MTMR6: variants seen among roughly 807,000 people sequenced by gnomAD.
MTMR6 encodes phosphatidylinositol-3,5-bisphosphate 3-phosphatase MTMR6.
A neutral mutation model predicts 80.1 loss-of-function variants in MTMR6; 47 were observed. The ratio of observed to expected loss-of-function variants is 0.59; its 90% confidence interval spans 0.46 to 0.75. MTMR6 has a LOEUF of 0.75. MTMR6 is among the 30% of genes least tolerant of loss of function. MTMR6 has a pLI of 0.00. For missense variants in MTMR6, 629 were observed against 730.9 expected (o/e 0.86, Z 1.61); for synonymous variants, 254 against 253.0 (o/e 1.00, Z -0.04).
chr13:25,253,576 G>A lies in MTMR6; in HGVS notation c.1346+188C>T, dbSNP rs117834246. Reference sequence around the variant, plus strand: ...TACACTTCAAAACACATTTTATAATGTGCTTTTACTATTAGCTGAAAGGTG... The same window carrying A: ...TACACTTCAAAACACATTTTATAATATGCTTTTACTATTAGCTGAAAGGTG... On this transcript the variant is annotated intron_variant, in intron 11 of 13. Transcript: ENST00000381801. Among the ~76,000 whole-genome samples, 441 of 152,226 alleles carry A rather than the reference G, an allele frequency of 2.9e-3. 3 individuals are homozygous for A. The highest frequency in any genetic ancestry group is 9.6e-3 in the Admixed American group (147 of 15,286).
chr13:25,264,855 T>C (rs1957422379), intron 5 of MTMR6, among the ~76,000 whole-genome samples: 1 of 147,698 alleles, frequency 6.8e-6, no homozygotes, highest in Non-Finnish European at 1.5e-5. Flanking sequence ...GGACTGGGAG[T>C]CAGAAATGGC....
chr13:25,271,355 T>C (rs1957572007), intron 2 of MTMR6, among the ~76,000 whole-genome samples: 1 of 152,170 alleles, frequency 6.6e-6, no homozygotes, highest in Non-Finnish European at 1.5e-5. Flanking sequence ...GGTATTCATT[T>C]ACTTACAGCC....
At chr13:25,286,207 T>C (rs530978345) in intron 1 of MTMR6, among the ~76,000 whole-genome samples, 1 of 152,224 alleles carries the variant, frequency 6.6e-6, no homozygotes, top group Non-Finnish European at 1.5e-5. Context: ...TGTATACCTT[T>C]AAAAGGTTTG....
intron 7 of MTMR6, 108 bp downstream of exon 7, chr13:25,258,452 T>C (rs1164375428): frequency 1.1e-6 from 1 of 892,046 alleles, no homozygotes; most frequent in Non-Finnish European, 1.6e-6. Context: ...ATTTCACTTG[T>C]TTCTTTTTAC....
rs763703747 is a variant in MTMR6 at position 25,287,278 on chromosome 13, CA to C, written c.-32del. On this transcript the variant is annotated 5_prime_UTR_variant, in exon 1 of 14. An upstream open reading frame in the 5' UTR loses its in-frame stop. Coordinates refer to ENST00000381801, the MANE Select transcript of MTMR6 (RefSeq NM_004685.5). ...GGAGACGTCAGCCGGCAGCCGGTCT[CA>C]CAGGCGTACCATACGGCTACAGAAA... is the stretch of plus-strand genomic sequence containing the variant. 6.3e-7 allele frequency: 1 copy of C among 1,584,662 alleles called. No homozygotes were observed. The highest frequency in any genetic ancestry group is 1.1e-5 in the South Asian group (1 of 87,474).
Position 25,265,825 on chromosome 13 carries a change from A to G in MTMR6, c.585T>C (p.Asp195=). The G allele has an allele frequency of 1.9e-6, 3 of 1,612,924 alleles. No individual in the cohort carries two copies. The highest frequency in any genetic ancestry group is 2.5e-6 in the Non-Finnish European group (3 of 1,179,092). ...RFPVLSYYHQ[D]KEAAICRCSQ... ...CAAAAGAAAAGCATCCTACCTCCTT[A>G]TCTTGATGATAGTAGGAAAGAACTG... Residue 195 remains aspartate, a synonymous_variant, in exon 5 of 14, where the codon GAT becomes GAC. Coordinates refer to ENST00000381801, the MANE Select transcript of MTMR6 (RefSeq NM_004685.5).
rs144582137 is a variant in MTMR6, at chr13:25,251,679, T to A, written c.1575A>T (p.Gln525His). 6.5e-7 allele frequency: 1 copy of A among 1,527,116 alleles called. No homozygotes were observed. The highest frequency in any genetic ancestry group is 1.1e-5 in the South Asian group (1 of 87,004). 94.6% of individuals were successfully genotyped at this position (1,527,116 alleles called of 1,614,324 possible). A position where few individuals can be genotyped will look rare whatever the true frequency, so the allele number is the denominator to read the frequency against. Residue 525 changes from glutamine (Q) to histidine (H), a missense_variant, in exon 13 of 14, where the codon CAA becomes CAT. Physicochemically the swap from Gln to His is conservative, Grantham distance 24. Coordinates refer to ENST00000381801, the MANE Select transcript of MTMR6 (RefSeq NM_004685.5). The surrounding 1 kb of genome is among the most constrained non-coding windows in gnomAD (Gnocchi z 4.1). ...IIMNMNEQNK[Q>H]LEKDIKDLES... Reference sequence around the variant, plus strand: ...CTAGGTCTTTAATATCTTTCTCTAATTGTTTATTTTGCTCATTCATATTCA... The same window carrying A: ...CTAGGTCTTTAATATCTTTCTCTAAATGTTTATTTTGCTCATTCATATTCA...
At chr13:25,270,983 T>C (rs1957561764) in intron 2 of MTMR6, among the ~76,000 whole-genome samples, 2 of 152,180 alleles carry the variant, frequency 1.3e-5, no homozygotes, top group African/African-American at 2.4e-5. Flanking sequence ...TTTCATATTT[T>C]CTTTCATCTA....
chr13:25,258,628 A>G lies in MTMR6; in HGVS notation c.791T>C (p.Ile264Thr). Residue 264 changes from isoleucine to threonine, a missense_variant, in exon 7 of 14, where the codon ATT (isoleucine) becomes ACT (threonine). Physicochemically the swap from Ile to Thr is moderately conservative, Grantham distance 89. Transcript: ENST00000381801. ...GYENEDNYSN[I>T]RFQFVGIENI... ...TTCAATTCCAACAAACTGAAATCTA[A>G]TATTGGAATAGTTGTCTTCATTTTC... 6.3e-7 allele frequency: 1 copy of G among 1,598,650 alleles called. No homozygotes were observed. The highest frequency in any genetic ancestry group is 1.7e-4 in the Middle Eastern group (1 of 6,012).
At chr13:25,269,018 G>A (rs73464619) in intron 2 of MTMR6, among the ~76,000 whole-genome samples, 2,869 of 152,274 alleles carry the variant, frequency 0.019, 107 homozygotes, top group African/African-American at 0.066. Flanking sequence ...TCGTGATCTA[G>A]CTGGGTGTGC....
chr13:25,278,922 C>T (rs1054108389), intron 1 of MTMR6, among the ~76,000 whole-genome samples: 1 of 151,954 alleles, frequency 6.6e-6, no homozygotes, highest in Non-Finnish European at 1.5e-5. Context: ...CCATTACATG[C>T]ACGCACACAC....
At position 25,260,639 on chromosome 13, in the gene MTMR6, T is replaced by C. The variant is rs1218685624; in HGVS notation, c.726+1029A>G. 5 of 1,287,898 alleles carry C rather than the reference T, an allele frequency of 3.9e-6. No individual in the cohort carries two copies. The African/African-American group carries it at 7.6e-5, about 20-fold the overall frequency. The allele number at this position is 1,287,898 out of a possible 1,614,324, so 79.8% of individuals were successfully genotyped here. On this transcript the variant is annotated intron_variant, in intron 6 of 13. Coordinates refer to ENST00000381801, the MANE Select transcript of MTMR6 (RefSeq NM_004685.5). The stretch of plus-strand genomic sequence containing the variant: ...TGGATTTTTGAAGAAATCCTCACTA[T>C]AATTCTGCCAATGTCCTTTTGTGTA...
chr13:25,257,410 C>T (rs1957236155), intron 8 of MTMR6, 89 bp from the exon 9 acceptor site: 9 of 1,444,402 alleles, frequency 6.2e-6, no homozygotes, highest in Non-Finnish European at 7.5e-6. Flanking sequence ...TATTGTGTTA[C>T]AAGGAAGTGC....
intron 2 of MTMR6, among the ~76,000 whole-genome samples, chr13:25,269,002 A>C (rs144070648): frequency 6.6e-6 from 1 of 152,256 alleles, no homozygotes; most frequent in Non-Finnish European, 1.5e-5. Flanking sequence ...CCAAGCCCAG[A>C]TACTGTCGTG....
chr13:25,250,521 T>C (rs1957062195), intron 13 of MTMR6, among the ~76,000 whole-genome samples: 1 of 152,054 alleles, frequency 6.6e-6, no homozygotes, highest in South Asian at 2.1e-4. Flanking sequence ...GTTTGAACAG[T>C]CCATTCACAG....
chr13:25,272,955 G>C (rs1458985784), intron 2 of MTMR6, among the ~76,000 whole-genome samples: 2 of 152,046 alleles, frequency 1.3e-5, no homozygotes, highest in Non-Finnish European at 2.9e-5. Context: ...CCAGTAAAAG[G>C]ATTGCTGGGT....
At position 25,275,790 on chromosome 13, in the gene MTMR6, G is replaced by A. The variant is rs563760167; in HGVS notation, c.25-1603C>T. ...GCAGGAGAATCACTTGAATCTGGGGGTCAGAGGTTGCGGTGAGCCAAGATT... is the reference window on the plus strand; with the variant it reads ...GCAGGAGAATCACTTGAATCTGGGGATCAGAGGTTGCGGTGAGCCAAGATT... On this transcript the variant is annotated intron_variant, in intron 1 of 13. Coordinates refer to ENST00000381801, the MANE Select transcript of MTMR6 (RefSeq NM_004685.5). Among the ~76,000 whole-genome samples, 101 of 150,554 alleles carry A rather than the reference G, an allele frequency of 6.7e-4. 1 individual carries two copies. The highest frequency in any genetic ancestry group is 1.2e-4 in the Non-Finnish European group (8 of 67,816).
At position 25,248,270 on chromosome 13, in the gene MTMR6, G is replaced by C. The variant is rs956779293; in HGVS notation, c.*962C>G. On this transcript the variant is annotated 3_prime_UTR_variant, in exon 14 of 14. Coordinates refer to ENST00000381801, the MANE Select transcript of MTMR6 (RefSeq NM_004685.5). ...TACTCCAGGAACAGCAACTCATTGA[G>C]CAATAAGGCAGTTTAAAAATATACA... is the stretch of plus-strand genomic sequence containing the variant. 6.6e-6 allele frequency: 1 copy of C among 152,054 alleles called. No individual in the cohort carries two copies. 9.4% of individuals were successfully genotyped at this position (152,054 alleles called of 1,614,324 possible). A position where few individuals can be genotyped will look rare whatever the true frequency, so the allele number is the denominator to read the frequency against.
chr13:25,261,683 C>T lies in MTMR6; in HGVS notation c.711G>A (p.Met237Ile), dbSNP rs1429371845. 2 of 1,610,498 alleles carry T rather than the reference C, an allele frequency of 1.2e-6. No homozygotes were observed. Among genetic ancestry groups the T allele is most frequent in the Admixed American group, 1.7e-5 (1 of 59,588 alleles). Residue 237 changes from methionine (M) to isoleucine (I), a missense_variant, in exon 6 of 14, where the codon ATG (methionine) becomes ATA (isoleucine). By Grantham distance (10) the Met-to-Ile change is conservative. Coordinates refer to ENST00000381801, the MANE Select transcript of MTMR6 (RefSeq NM_004685.5). ...ANPVNRYMYV[M>I]DTRPKLNAMA... ...AAATACATACTTTTGGCCTGGTATCCATGACGTACATATAGCGATTGACTG... is the reference window on the plus strand; with the variant it reads ...AAATACATACTTTTGGCCTGGTATCTATGACGTACATATAGCGATTGACTG...
Sources: allele counts gnomAD v4.1 joint callset (sites outside exome capture counted in the v4.1 genomes callset), GRCh38; gene constraint gnomAD v4.1.1; non-coding constraint Gnocchi (gnomAD v3.1); transcripts MANE v1.5; gene names NCBI Gene and HGNC (gene_info 2026-07-23, HGNC 2026-07-21).